WWC2: variants seen among roughly 807,000 people sequenced by gnomAD.
WWC2 encodes protein WWC2.
In WWC2, 101 loss-of-function variants were observed where a neutral mutation model predicts 138.5. That is an observed-to-expected ratio of 0.73 (90% confidence interval 0.62 to 0.86). WWC2 has a LOEUF of 0.86. Among genes scored for constraint, WWC2 ranks in the 40% least tolerant of loss-of-function variants. WWC2 has a pLI of 0.00. For missense variants in WWC2, 1,420 were observed against 1,419.4 expected (o/e 1.00, Z -0.01); for synonymous variants, 558 against 538.4 (o/e 1.04, Z -0.50).
chr4:183,269,208 G>A, intron 15 of WWC2, 45 bp downstream of exon 15: 3 of 1,559,490 alleles, frequency 1.9e-6, no homozygotes, highest in Middle Eastern at 1.7e-4. Flanking sequence ...ACTTAGATTG[G>A]GTGGTCTGAG....
chr4:183,189,943 A>G (rs1734945549), intron 1 of WWC2, among the ~76,000 whole-genome samples: 1 of 152,248 alleles, frequency 6.6e-6, no homozygotes, highest in Admixed American at 6.5e-5. Flanking sequence ...TTGACAATAA[A>G]TATTAAATGA....
chr4:183,195,919 T>G (rs2111215886), intron 2 of WWC2, among the ~76,000 whole-genome samples: 1 of 152,290 alleles, frequency 6.6e-6, no homozygotes, highest in East Asian at 1.9e-4. Context: ...ATCTCCAGTG[T>G]TGGAGGTAGG....
intron 4 of WWC2, among the ~76,000 whole-genome samples, chr4:183,222,014 G>C (rs556155991): frequency 8.5e-4 from 130 of 152,092 alleles, no homozygotes; most frequent in Non-Finnish European, 1.6e-3. Context: ...TCTATCAATA[G>C]ATAAATGGAT....
chr4:183,100,299 A>G (rs1024119799), intron 1 of WWC2, among the ~76,000 whole-genome samples: 5 of 152,262 alleles, frequency 3.3e-5, no homozygotes, highest in Non-Finnish European at 7.3e-5. Context: ...AGGGAGATGT[A>G]GTGAAATTAA....
Position 183,167,936 on chromosome 4 carries a change from A to G in WWC2, c.132-25663A>G, listed in dbSNP as rs946581399. On this transcript the variant is annotated intron_variant, in intron 1 of 22. Coordinates refer to ENST00000403733, the MANE Select transcript of WWC2 (RefSeq NM_024949.6). ...AGTGATGTGATCTTGGCTCAGTGCA[A>G]CCTTTGCCTCCTGGGTTCAAGCGAT... Among the ~76,000 whole-genome samples, 7 of 151,302 alleles carry G rather than the reference A, an allele frequency of 4.6e-5. No homozygotes were observed. In the East Asian group the frequency reaches 1.4e-3, roughly 29 times the overall value.
intron 1 of WWC2, among the ~76,000 whole-genome samples, chr4:183,130,686 T>C (rs1488078525): frequency 1.3e-5 from 2 of 152,228 alleles, no homozygotes; most frequent in East Asian, 3.8e-4. Context: ...GCCCAGTTTC[T>C]TCATTTGTCC....
intron 1 of WWC2, among the ~76,000 whole-genome samples, chr4:183,109,008 T>G (rs60771663): frequency 0.016 from 2,455 of 151,674 alleles, 68 homozygotes; most frequent in African/African-American, 0.056. Flanking sequence ...AATTTTGTGG[T>G]TTTTTTTCTA....
chr4:183,138,572 A>G (rs572493086), intron 1 of WWC2, among the ~76,000 whole-genome samples: 1 of 152,280 alleles, frequency 6.6e-6, no homozygotes, highest in Admixed American at 6.5e-5. Context: ...AGGAGACCAT[A>G]TGGTCTGCAA....
intron 9 of WWC2, among the ~76,000 whole-genome samples, chr4:183,255,694 G>A (rs899903034): frequency 6.6e-6 from 1 of 152,060 alleles, no homozygotes; most frequent in East Asian, 1.9e-4. Flanking sequence ...TTGAGGTGGC[G>A]TCTTGCTTGC....
intron 21 of WWC2, among the ~76,000 whole-genome samples, chr4:183,297,693 A>C (rs1738681859): frequency 6.6e-6 from 1 of 152,172 alleles, no homozygotes; most frequent in Admixed American, 6.5e-5. Flanking sequence ...TACAGGCGTG[A>C]GCCACCGCAC....
intron 2 of WWC2, among the ~76,000 whole-genome samples, chr4:183,204,432 C>T (rs908025999): frequency 2.0e-5 from 3 of 152,158 alleles, no homozygotes; most frequent in Non-Finnish European, 4.4e-5. Flanking sequence ...CTTAGAGTCT[C>T]ACATCTGGCT....
At chr4:183,237,518 C>T (rs1485147890) in intron 4 of WWC2, among the ~76,000 whole-genome samples, 3 of 152,114 alleles carry the variant, frequency 2.0e-5, no homozygotes, top group Non-Finnish European at 4.4e-5. Context: ...AAATCCTGTT[C>T]AGGTAGCCTT....
rs142151180 is a variant in WWC2, at chr4:183,265,700, G to T, written c.2052G>T (p.Met684Ile). Residue 684 changes from methionine to isoleucine, a missense_variant, in exon 13 of 23, where the codon ATG (methionine) becomes ATT (isoleucine). Met to Ile is a conservative substitution (Grantham distance 10). Transcript: ENST00000403733. Reference sequence around the variant, plus strand: ...CCTGTCCATATAGACCTAGTGAAATGGAAGATGTCACATACAGTGAAGAGG... The same window carrying T: ...CCTGTCCATATAGACCTAGTGAAATTGAAGATGTCACATACAGTGAAGAGG... Reference protein sequence around the residue: ...YEAFVKQPSEMEDVTYSEEDV... With the variant: ...YEAFVKQPSEIEDVTYSEEDV... The T allele has an allele frequency of 1.6e-4, 258 of 1,610,830 alleles. 3 individuals are homozygous for T. The African/African-American group carries it at 1.9e-3, about 12-fold the overall frequency.
intron 1 of WWC2, among the ~76,000 whole-genome samples, chr4:183,110,886 T>A (rs1048677635): frequency 1.3e-5 from 2 of 152,244 alleles, no homozygotes; most frequent in African/African-American, 4.8e-5. Flanking sequence ...GTTCTGAATG[T>A]GAACAACAGA....
At chr4:183,185,126 C>G (rs1259108423) in intron 1 of WWC2, among the ~76,000 whole-genome samples, 2 of 151,922 alleles carry the variant, frequency 1.3e-5, no homozygotes, top group Non-Finnish European at 2.9e-5. Flanking sequence ...ATCCTCAGGT[C>G]CTTCCCAAAT....
chr4:183,155,902 T>A (rs946586992), intron 1 of WWC2, among the ~76,000 whole-genome samples: 1 of 152,246 alleles, frequency 6.6e-6, no homozygotes, highest in Non-Finnish European at 1.5e-5. Flanking sequence ...CAGTCTGTTT[T>A]ACAGAGCCTG....
chr4:183,185,555 G>C (rs927938669), intron 1 of WWC2, among the ~76,000 whole-genome samples: 1 of 152,080 alleles, frequency 6.6e-6, no homozygotes, highest in South Asian at 2.1e-4. Flanking sequence ...CCTGTTATTT[G>C]TAATTTTTCA....
At chr4:183,145,343 A>AT (rs149203244) in intron 1 of WWC2, among the ~76,000 whole-genome samples, 11,492 of 151,792 alleles carry the variant, frequency 0.076, 752 homozygotes, top group African/African-American at 0.17. Flanking sequence ...TAGAAGGATT[A>AT]TTTTTTTTAT....
Position 183,315,882 on chromosome 4 carries a change from A to C in WWC2, c.*153A>C. ...TTTTATTTCACATCAGATTTTCAAC[A>C]CATTAATTTGTAAAGTACCTTGAGT... On this transcript the variant is annotated 3_prime_UTR_variant, in exon 23 of 23. Transcript: ENST00000403733. The C allele has an allele frequency of 1.7e-6, 1 of 578,824 alleles. No individual in the cohort carries two copies. Among genetic ancestry groups the C allele is most frequent in the East Asian group, 2.9e-5 (1 of 34,106 alleles). The allele number at this position is 578,824 out of a possible 1,614,324, so 35.9% of individuals were successfully genotyped here. A position where few individuals can be genotyped will look rare whatever the true frequency, so the allele number is the denominator to read the frequency against.
Sources: gnomAD v4.1 joint callset for allele counts (sites outside exome capture counted in the v4.1 genomes callset) on GRCh38, gnomAD v4.1.1 for gene constraint, MANE v1.5 for transcripts, NCBI Gene and HGNC (gene_info 2026-07-23, HGNC 2026-07-21) for gene names.